Variants in ILDR2 observed in about 807,000 individuals in gnomAD.
ILDR2 encodes immunoglobulin like domain containing receptor 2, also known as immunoglobulin-like domain-containing receptor 2.
ILDR2 carries 25 observed loss-of-function variants against 66.8 expected under a neutral mutation model. The observed-to-expected ratio is 0.37, with a 90% confidence interval of 0.27 to 0.52. ILDR2 has a LOEUF of 0.52. Ranked by LOEUF, ILDR2 falls within the 20% of genes least tolerant of loss-of-function variation. The pLI is 0.88. For synonymous variants in ILDR2, 367 were observed against 357.2 expected, an observed-to-expected ratio of 1.03 and a Z score of -0.31; for missense variants, 827 against 876.8, an observed-to-expected ratio of 0.94 and a Z score of 0.72.
Position 166,913,624 on chromosome 1 carries a change from A to G in ILDR2, c.*5731T>C, listed in dbSNP as rs1044422107. ...TATCTTTTTCCTTCTCACATTCCTT[A>G]TTCCTCTATATCTGATCCCTCTTAG... On this transcript the variant is annotated 3_prime_UTR_variant, in exon 10 of 10. Coordinates refer to ENST00000271417, the MANE Select transcript of ILDR2 (RefSeq NM_199351.3). The G allele has an allele frequency of 3.3e-5, 5 of 152,168 alleles. No individual in the cohort carries two copies. In the East Asian group the frequency reaches 7.7e-4, roughly 23 times the overall value. 9.4% of individuals were successfully genotyped at this position (152,168 alleles called of 1,614,324 possible). A position where few individuals can be genotyped will look rare whatever the true frequency, so the allele number is the denominator to read the frequency against.
chr1:166,920,636 C>T (rs1659860553), intron 9 of ILDR2, 71 bp downstream of exon 9: 2 of 1,324,724 alleles, frequency 1.5e-6, no homozygotes, highest in Admixed American at 4.1e-5. Flanking sequence ...CCCCAGACAG[C>T]GACACTGCTC....
At chr1:166,950,025 A>T (rs1456205119) in intron 3 of ILDR2, among the ~76,000 whole-genome samples, 4 of 152,236 alleles carry the variant, frequency 2.6e-5, no homozygotes, top group Admixed American at 2.6e-4. Context: ...TCTTTGGGGA[A>T]TCAACTCTAC....
chr1:166,929,615 C>T (rs894942776), intron 6 of ILDR2, among the ~76,000 whole-genome samples: 2 of 152,188 alleles, frequency 1.3e-5, no homozygotes, highest in African/African-American at 4.8e-5. Context: ...GTTTTCCCCT[C>T]TAGACTGCAA....
At position 166,916,690 on chromosome 1, in the gene ILDR2, G is replaced by T. The variant is rs1659656142; in HGVS notation, c.*2665C>A. 1 of 152,224 alleles carries T rather than the reference G, an allele frequency of 6.6e-6. No individual in the cohort carries two copies. The highest frequency in any genetic ancestry group is 2.4e-5 in the African/African-American group (1 of 41,452). The allele number at this position is 152,224 out of a possible 1,614,324, so 9.4% of individuals were successfully genotyped here. ...TTTTCTCTCTACTGAAAGCCTGGAA[G>T]TCTGAATGATTTATCCAGTTCTACA... On this transcript the variant is annotated 3_prime_UTR_variant, in exon 10 of 10. Transcript: ENST00000271417.
Position 166,919,363 on chromosome 1 carries a change from C to A in ILDR2, c.1912G>T (p.Val638Leu). 6.2e-7 allele frequency: 1 copy of A among 1,610,910 alleles called. No individual in the cohort carries two copies. The highest frequency in any genetic ancestry group is 8.5e-7 in the Non-Finnish European group (1 of 1,177,448). Residue 638 changes from valine (V) to leucine (L), a missense_variant, in exon 10 of 10, where the codon GTG becomes TTG. Transcript: ENST00000271417. ...GAGAAATGTTGACAACATCAGACCACAAGGGACATCCTGGTTGGAAAGTCA... is the reference window on the plus strand; with the variant it reads ...GAGAAATGTTGACAACATCAGACCAAAAGGGACATCCTGGTTGGAAAGTCA... Reference protein sequence around the residue: ...TNDFPTRMSLVV With the variant: ...TNDFPTRMSLLV
Position 166,921,246 on chromosome 1 carries a change from G to T in ILDR2, c.1345C>A (p.His449Asn). ...AAGCGGCTCCCGCCCCGCGCCTCGT[G>T]ACTGTTGCCGTCTGCCCGGCGGGGC... Reference protein sequence around the residue: ...QRPRRADGNSHEARGGSRFER... With the variant: ...QRPRRADGNSNEARGGSRFER... Residue 449 changes from histidine (H) to asparagine (N), a missense_variant, in exon 9 of 10, where the codon CAC becomes AAC. By Grantham distance (68) the His-to-Asn change is moderately conservative (BLOSUM62 1). Around this residue, in one of 2 missense-constraint regions of ILDR2, gnomAD observed 390 missense variants for 353.6 expected, o/e 1.10. Transcript: ENST00000271417. This position sits in a 1 kb window ranked among gnomAD's most constrained non-coding sequence, Gnocchi z 5.3. 6.3e-7 allele frequency: 1 copy of T among 1,598,320 alleles called. No homozygotes were observed.
chr1:166,949,086 A>C (rs780364436), intron 3 of ILDR2, among the ~76,000 whole-genome samples: 12 of 152,248 alleles, frequency 7.9e-5, no homozygotes, highest in Admixed American at 1.3e-4. Flanking sequence ...CCTTTGGTCA[A>C]GATCAGTTTC....
chr1:166,968,402 C>T (rs1012927617), intron 1 of ILDR2, among the ~76,000 whole-genome samples: 2 of 152,058 alleles, frequency 1.3e-5, no homozygotes, highest in Non-Finnish European at 2.9e-5. Flanking sequence ...TCACAGTACC[C>T]CAAAGAATCA....
rs897032289 is a variant in ILDR2, at chr1:166,936,998, T to C, written c.557-261A>G. On this transcript the variant is annotated intron_variant, in intron 4 of 9. Coordinates refer to ENST00000271417, the MANE Select transcript of ILDR2 (RefSeq NM_199351.3). This position sits in a 1 kb window ranked among gnomAD's most constrained non-coding sequence, Gnocchi z 5.0. ...ACATGTAATAATCGGCACAAAACAA[T>C]GTGGGGATTTCAGAGTCCTATACTG... Among the ~76,000 whole-genome samples the C allele has an allele frequency of 4.6e-5, 7 of 152,084 alleles. No individual in the cohort carries two copies. The highest frequency in any genetic ancestry group is 1.4e-4 in the African/African-American group (6 of 41,480).
At position 166,922,880 on chromosome 1, in the gene ILDR2, T is replaced by C. The variant is rs889337055; in HGVS notation, c.995-71A>G. On this transcript the variant is annotated intron_variant, in intron 7 of 9. Coordinates refer to ENST00000271417, the MANE Select transcript of ILDR2 (RefSeq NM_199351.3). ...GTTTTAGACAGGAAGAGAATCCTGT[T>C]AAGGGCTGAGACCCTAGGCTCCAGG... 2.2e-5 allele frequency: 30 copies of C among 1,353,960 alleles called. No individual in the cohort carries two copies. The South Asian group carries it at 2.8e-4, about 13-fold the overall frequency. 83.9% of individuals were successfully genotyped at this position (1,353,960 alleles called of 1,614,324 possible). A position where few individuals can be genotyped will look rare whatever the true frequency, so the allele number is the denominator to read the frequency against.
chr1:166,958,565 G>T (rs1347382254), intron 1 of ILDR2, among the ~76,000 whole-genome samples: 1 of 152,156 alleles, frequency 6.6e-6, no homozygotes, highest in African/African-American at 2.4e-5. Flanking sequence ...CTGTGGAACT[G>T]TGAGTCAATT....
chr1:166,949,860 A>G (rs1167098243), intron 3 of ILDR2, among the ~76,000 whole-genome samples: 1 of 152,140 alleles, frequency 6.6e-6, no homozygotes, highest in Non-Finnish European at 1.5e-5. Flanking sequence ...CAAAGCTAGG[A>G]GAGAGTGCTG....
At position 166,917,213 on chromosome 1, in the gene ILDR2, C is replaced by T. The variant is rs190625528; in HGVS notation, c.*2142G>A. The T allele has an allele frequency of 6.6e-6, 1 of 152,346 alleles. No individual in the cohort carries two copies. The highest frequency in any genetic ancestry group is 1.9e-4 in the East Asian group (1 of 5,186). 9.4% of individuals were successfully genotyped at this position (152,346 alleles called of 1,614,324 possible). A position where few individuals can be genotyped will look rare whatever the true frequency, so the allele number is the denominator to read the frequency against. The stretch of plus-strand genomic sequence containing the variant: ...TGCCAGCACTGGGTTCAACTGTTCT[C>T]CTGATTTCTCTGGGACTGGCCAAAG... On this transcript the variant is annotated 3_prime_UTR_variant, in exon 10 of 10. Transcript: ENST00000271417.
In ILDR2 at chr1:166,939,583, G is replaced by C; in HGVS notation, c.500-13C>G. 1 of 1,612,790 alleles carries C rather than the reference G, an allele frequency of 6.2e-7. No individual in the cohort carries two copies. The highest frequency in any genetic ancestry group is 8.5e-7 in the Non-Finnish European group (1 of 1,178,812). On this transcript the variant is annotated splice_polypyrimidine_tract_variant and intron_variant, in intron 3 of 9. Coordinates refer to ENST00000271417, the MANE Select transcript of ILDR2 (RefSeq NM_199351.3). ...AGCCCTGTCCTGCCTAGAAGAAGTG[G>C]AAGGAAAAGAAGAAGGAAAGTGGTT...
chr1:166,920,383 A>G (rs1659839254), intron 9 of ILDR2, among the ~76,000 whole-genome samples: 1 of 152,172 alleles, frequency 6.6e-6, no homozygotes, highest in South Asian at 2.1e-4. Flanking sequence ...ATGGCTCCCG[A>G]GATCCCTGAT....
rs754179432 is a variant in ILDR2 at position 166,956,858 on chromosome 1, A to G, written c.380-6T>C. The G allele has an allele frequency of 9.9e-6, 16 of 1,613,274 alleles. No homozygotes were observed. Among genetic ancestry groups the G allele is most frequent in the East Asian group, 2.2e-5 (1 of 44,866 alleles). ...TCCAATTTGAAGATCTGCATCTGTT[A>G]TCACAAAAAGAAGGACTCAGTCCTA... On this transcript the variant is annotated splice_polypyrimidine_tract_variant and splice_region_variant and intron_variant, in intron 2 of 9. Transcript: ENST00000271417.
In ILDR2 at chr1:166,958,119, C is replaced by T; in HGVS notation, c.47-18G>A. ...GACCATGGCTGCAAAACAGAATAAACATGTCCGAACAGTGTCCATATCCTG... is the reference window on the plus strand; with the variant it reads ...GACCATGGCTGCAAAACAGAATAAATATGTCCGAACAGTGTCCATATCCTG... On this transcript the variant is annotated intron_variant, in intron 1 of 9. Coordinates refer to ENST00000271417, the MANE Select transcript of ILDR2 (RefSeq NM_199351.3). The T allele has an allele frequency of 6.3e-7, 1 of 1,588,376 alleles. No individual in the cohort carries two copies. The highest frequency in any genetic ancestry group is 8.6e-7 in the Non-Finnish European group (1 of 1,161,030).
chr1:166,945,673 C>A (rs1286526287), intron 3 of ILDR2, among the ~76,000 whole-genome samples: 1 of 152,186 alleles, frequency 6.6e-6, no homozygotes, highest in South Asian at 2.1e-4. Context: ...TTAGGACAAA[C>A]CTGTTTTCAG....
chr1:166,929,883 T>G (rs561300083), intron 6 of ILDR2, among the ~76,000 whole-genome samples: 12 of 152,248 alleles, frequency 7.9e-5, no homozygotes, highest in African/African-American at 2.6e-4. Context: ...GTATCATGAT[T>G]ATTATTATTA....
Sources: gnomAD v4.1 joint callset for allele counts (sites outside exome capture counted in the v4.1 genomes callset) on GRCh38, gnomAD v4.1.1 for gene constraint, gnomAD v4.1.1 regional missense constraint, Gnocchi (gnomAD v3.1) non-coding constraint, MANE v1.5 for transcripts, NCBI Gene and HGNC (gene_info 2026-07-23, HGNC 2026-07-21) for gene names.